Variants in WDR7 observed in about 807,000 individuals in gnomAD.
WDR7 encodes WD repeat domain 7, also known as WD repeat-containing protein 7.
Under a neutral mutation model 169.4 loss-of-function variants are expected in WDR7, and 46 were observed. The ratio of observed to expected loss-of-function variants is 0.27; its 90% CI spans 0.21 to 0.35. The LOEUF is 0.35. WDR7 is among the 10% of genes least tolerant of loss of function. The probability of loss-of-function intolerance (pLI) is 1.00; values close to 1 mark genes in which losing one functional copy is unlikely to be tolerated. For synonymous variants in WDR7, 612 were observed against 666.8 expected, an observed-to-expected ratio of 0.92 and a Z score of 1.27; for missense variants, 1,534 against 1,859.3, an observed-to-expected ratio of 0.83 and a Z score of 3.22.
chr18:56,943,399 C>G (rs2145713839), intron 25 of WDR7, among the ~76,000 whole-genome samples: 1 of 147,524 alleles, frequency 6.8e-6, no homozygotes, highest in Non-Finnish European at 1.5e-5. Context: ...TGGGTTTTAT[C>G]TTAGACTAAC....
At chr18:56,688,522 G>C (rs2025491506) in intron 7 of WDR7, among the ~76,000 whole-genome samples, 1 of 148,812 alleles carries the variant, frequency 6.7e-6, no homozygotes, top group Non-Finnish European at 1.5e-5. Context: ...TTCGAGACCA[G>C]CCTGGCCAAC....
intron 1 of WDR7, among the ~76,000 whole-genome samples, chr18:56,665,292 T>TG (rs1555674532): frequency 7.2e-6 from 1 of 139,602 alleles, no homozygotes; most frequent in Non-Finnish European, 1.5e-5. Context: ...AAACTCCATC[T>TG]AAAAAAAAAA....
rs1030672802 is a variant in WDR7 at position 56,731,543 on chromosome 18, T to A, written c.1935T>A (p.His645Gln). Residue 645 changes from histidine to glutamine, a missense_variant, in exon 14 of 28, where the codon CAT becomes CAA. His to Gln is a conservative substitution (Grantham distance 24). Transcript: ENST00000254442. Reference sequence around the variant, plus strand: ...TTGCTGCTCTTAAAAATATGGCCCATCATAAGCTACAAACCCTTGCAACTA... The same window carrying A: ...TTGCTGCTCTTAAAAATATGGCCCAACATAAGCTACAAACCCTTGCAACTA... ...RSLAALKNMA[H>Q]HKLQTLATNL... The A allele has an allele frequency of 3.7e-6, 6 of 1,613,950 alleles. No individual in the cohort carries two copies. The Admixed American group carries it at 5.0e-5, about 13-fold the overall frequency.
intron 18 of WDR7, among the ~76,000 whole-genome samples, chr18:56,780,388 A>T (rs1208880476): frequency 6.6e-6 from 1 of 152,116 alleles, no homozygotes; most frequent in Non-Finnish European, 1.5e-5. Flanking sequence ...TCTCCTCTCA[A>T]CTCCAAATGG....
chr18:56,654,908 C>T (rs1052608715), intron 1 of WDR7, among the ~76,000 whole-genome samples: 2 of 152,152 alleles, frequency 1.3e-5, no homozygotes, highest in Non-Finnish European at 2.9e-5. Context: ...TGGCATCTTT[C>T]TTCCCTTTTC....
At chr18:56,841,671 A>G (rs1262532687) in intron 20 of WDR7, among the ~76,000 whole-genome samples, 1 of 152,192 alleles carries the variant, frequency 6.6e-6, no homozygotes, top group Non-Finnish European at 1.5e-5. Flanking sequence ...ACTCTGTTGA[A>G]TTACTATTAC....
intron 17 of WDR7, among the ~76,000 whole-genome samples, chr18:56,779,093 T>C (rs1407219501): frequency 6.6e-6 from 1 of 152,364 alleles, no homozygotes; most frequent in Non-Finnish European, 1.5e-5. Flanking sequence ...AGTATGTGTT[T>C]ATTTCTGTGT....
intron 26 of WDR7, among the ~76,000 whole-genome samples, chr18:56,992,204 A>G (rs2047828399): frequency 6.6e-6 from 1 of 152,238 alleles, no homozygotes; most frequent in Non-Finnish European, 1.5e-5. Flanking sequence ...TCAGTAGCAA[A>G]ATGCATTAAT....
intron 25 of WDR7, among the ~76,000 whole-genome samples, chr18:56,949,334 GATTT>G (rs979589117): frequency 5.3e-5 from 8 of 152,002 alleles, no homozygotes; most frequent in Admixed American, 2.0e-4. Context: ...TAAAAATATT[GATTT>G]ATTTAAAATA....
intron 27 of WDR7, among the ~76,000 whole-genome samples, chr18:57,021,268 G>A (rs559293051): frequency 6.6e-6 from 1 of 152,284 alleles, no homozygotes; most frequent in Admixed American, 6.5e-5. Flanking sequence ...AGGTGCATGA[G>A]TAGCCGTGAG....
chr18:56,844,436 C>A (rs1046986711), intron 20 of WDR7, among the ~76,000 whole-genome samples: 9 of 152,048 alleles, frequency 5.9e-5, no homozygotes, highest in African/African-American at 2.2e-4. Flanking sequence ...TTAAAATGAT[C>A]CATGGTGTTT....
intron 16 of WDR7, among the ~76,000 whole-genome samples, chr18:56,776,435 A>G (rs984922199): frequency 6.6e-6 from 1 of 152,198 alleles, no homozygotes; most frequent in Non-Finnish European, 1.5e-5. Context: ...TCATCGTGAT[A>G]CATTTTAAAA....
At chr18:56,776,726 A>T (rs2044247755) in intron 16 of WDR7, 56 bp from the exon 17 acceptor site, 1 of 1,503,176 alleles carries the variant, frequency 6.7e-7, no homozygotes, top group Non-Finnish European at 9.2e-7. Context: ...GCTTTTTTTC[A>T]GAAACTGCTG....
chr18:56,764,928 T>C (rs1287205535), intron 16 of WDR7, among the ~76,000 whole-genome samples: 1 of 152,194 alleles, frequency 6.6e-6, no homozygotes, highest in Non-Finnish European at 1.5e-5. Flanking sequence ...GAAGCTCTCT[T>C]ATTAGGTGCA....
chr18:56,752,887 G>A (rs1478676586), intron 14 of WDR7, among the ~76,000 whole-genome samples: 2 of 152,288 alleles, frequency 1.3e-5, no homozygotes, highest in East Asian at 3.9e-4. Context: ...TCCGGAGGGA[G>A]CATGATTCTG....
intron 25 of WDR7, among the ~76,000 whole-genome samples, chr18:56,958,224 G>A (rs1225590439): frequency 5.9e-5 from 9 of 152,060 alleles, no homozygotes; most frequent in African/African-American, 2.2e-4. Flanking sequence ...TCCCTCTCCG[G>A]GGTTTTGTAC....
intron 21 of WDR7, among the ~76,000 whole-genome samples, chr18:56,910,236 T>C (rs1460637677): frequency 2.0e-5 from 3 of 152,202 alleles, no homozygotes; most frequent in Non-Finnish European, 4.4e-5. Flanking sequence ...GCTCAAAAGA[T>C]AAACAAGTTC....
At chr18:56,742,006 G>T (rs1478475263) in intron 14 of WDR7, among the ~76,000 whole-genome samples, 2 of 152,168 alleles carry the variant, frequency 1.3e-5, no homozygotes, top group Non-Finnish European at 2.9e-5. Flanking sequence ...GTGTTCAATG[G>T]ATTTATGAAT....
At chr18:56,841,219 T>C (rs1268821815) in intron 20 of WDR7, among the ~76,000 whole-genome samples, 2 of 148,934 alleles carry the variant, frequency 1.3e-5, no homozygotes, top group East Asian at 4.1e-4. Context: ...TAAAATAACA[T>C]AGAAAAGTTG....
Sources: gnomAD v4.1 joint callset for allele counts (sites outside exome capture counted in the v4.1 genomes callset) on GRCh38, gnomAD v4.1.1 for gene constraint, MANE v1.5 for transcripts, NCBI Gene and HGNC (gene_info 2026-07-23, HGNC 2026-07-21) for gene names.